Variants in SGCG observed in about 807,000 individuals in gnomAD.
The protein encoded by SGCG is gamma-sarcoglycan.
Under a neutral mutation model 29.3 loss-of-function variants are expected in SGCG, and 26 were observed. That is an observed-to-expected ratio of 0.89 (90% CI 0.65 to 1.23). SGCG has a LOEUF of 1.23. Among genes scored for constraint, SGCG ranks in the 50% most tolerant of loss-of-function variants. The pLI is 0.00. For synonymous variants in SGCG, 145 were observed against 129.7 expected, an observed-to-expected ratio of 1.12 and a Z score of -0.80; for missense variants, 353 against 356.0, an observed-to-expected ratio of 0.99 and a Z score of 0.07.
At chr13:23,312,237 C>T (rs752664408) in intron 6 of SGCG, among the ~76,000 whole-genome samples, 4 of 152,170 alleles carry the variant, frequency 2.6e-5, no homozygotes, top group African/African-American at 4.8e-5. Flanking sequence ...CTTTTAAATA[C>T]AAAGCTGTGG....
chr13:23,315,201 T>G (rs1882761138), intron 6 of SGCG, among the ~76,000 whole-genome samples: 1 of 152,182 alleles, frequency 6.6e-6, no homozygotes, highest in Admixed American at 6.5e-5. Flanking sequence ...ACTCTTGGCC[T>G]GTTACTGGGC....
chr13:23,175,301 TG>T, the SGCG span, among the ~76,000 whole-genome samples: 2,537 of 152,228 alleles, frequency 0.017, 73 homozygotes, highest in African/African-American at 0.057. Flanking sequence ...AGAGGTGTAG[TG>T]GGGAAAAGAA....
the SGCG span, among the ~76,000 whole-genome samples, chr13:23,161,305 A>G: frequency 6.6e-6 from 1 of 152,232 alleles, no homozygotes; most frequent in Non-Finnish European, 1.5e-5. Flanking sequence ...TTGTTCTTAC[A>G]TCATTACCGA....
intron 4 of SGCG, chr13:23,268,564 G>T: frequency 6.6e-6 from 1 of 152,666 alleles, no homozygotes; most frequent in Non-Finnish European, 1.5e-5. Flanking sequence ...GAAAGAGAAT[G>T]TTGTGAACAG....
chr13:23,287,361 G>A (rs1421120512), intron 5 of SGCG, among the ~76,000 whole-genome samples: 1 of 152,024 alleles, frequency 6.6e-6, no homozygotes, highest in Non-Finnish European at 1.5e-5. Context: ...TTGGCTGGCA[G>A]CAGGAAACAA....
At chr13:23,169,530 T>C in the SGCG span, among the ~76,000 whole-genome samples, 1 of 151,718 alleles carries the variant, frequency 6.6e-6, no homozygotes, top group Non-Finnish European at 1.5e-5. Flanking sequence ...AATACAAAAA[T>C]TAGTTGGGCA....
rs1236134792 is a variant in SGCG, at chr13:23,204,176, A to C, written c.195+287A>C. The stretch of plus-strand genomic sequence containing the variant: ...ATAGTCTTTAGTTTGTGGTTGATTG[A>C]GTCAGGATTATTTGCTGATTATTTA... On this transcript the variant is annotated intron_variant, in intron 2 of 7. Transcript: ENST00000218867. 3.3e-5 allele frequency among the ~76,000 whole-genome samples: 5 copies of C among 151,094 alleles called. 1 individual carries two copies. Among genetic ancestry groups the C allele is most frequent in the African/African-American group, 1.2e-4 (5 of 40,464 alleles).
chr13:23,255,253 C>G lies in SGCG; in HGVS notation c.385+4536C>G, dbSNP rs1026636657. ...AAGCCACAGGAGTGGTGCTGGTCAC[C>G]TTGAGGTGCCATCTTATTGCCCCTT... On this transcript the variant is annotated intron_variant, in intron 4 of 7. Coordinates refer to ENST00000218867, the MANE Select transcript of SGCG (RefSeq NM_000231.3). Among the ~76,000 whole-genome samples the G allele has an allele frequency of 2.0e-5, 3 of 152,234 alleles. No individual in the cohort carries two copies. In the South Asian group the frequency reaches 6.2e-4, roughly 32 times the overall value.
upstream of SGCG, among the ~76,000 whole-genome samples, chr13:23,178,634 C>G (rs888664724): frequency 6.6e-6 from 1 of 152,120 alleles, no homozygotes; most frequent in Non-Finnish European, 1.5e-5. Flanking sequence ...CAATTGACAA[C>G]CCAAATCATT....
At chr13:23,290,546 T>A (rs1016081575) in intron 5 of SGCG, among the ~76,000 whole-genome samples, 21 of 152,182 alleles carry the variant, frequency 1.4e-4, no homozygotes, top group Non-Finnish European at 2.9e-4. Context: ...AAGGAGAGCA[T>A]TTTTCATTGG....
rs1323693241 is a variant in SGCG, at chr13:23,287,756, G to GTTTGTTTGTTTGT, written c.506-7652_506-7651insGTTTGTTTTGTTT. Among the ~76,000 whole-genome samples, 520 of 151,882 alleles carry GTTTGTTTGTTTGT rather than the reference G, an allele frequency of 3.4e-3. 6 individuals carry two copies. Among genetic ancestry groups the GTTTGTTTGTTTGT allele is most frequent in the African/African-American group, 8.2e-3 (338 of 41,448 alleles). Reference sequence around the variant, plus strand: ...ACCAGGGTTTTTTGTTTGTTTGTTTGTTTGTTTTGTTTTGTTTTGAGACAG... The same window carrying GTTTGTTTGTTTGT: ...ACCAGGGTTTTTTGTTTGTTTGTTTGTTTGTTTGTTTGTTTTGTTTTGTTTTGTTTTGAGACAG... On this transcript the variant is annotated intron_variant, in intron 5 of 7. Coordinates refer to ENST00000218867, the MANE Select transcript of SGCG (RefSeq NM_000231.3).
At chr13:23,322,441 G>C (rs1883070184) in intron 7 of SGCG, among the ~76,000 whole-genome samples, 1 of 152,116 alleles carries the variant, frequency 6.6e-6, no homozygotes, top group South Asian at 2.1e-4. Context: ...AAAGGGCCTC[G>C]ATCCCCCATA....
At chr13:23,290,360 C>G (rs950724270) in intron 5 of SGCG, among the ~76,000 whole-genome samples, 1 of 151,988 alleles carries the variant, frequency 6.6e-6, no homozygotes, top group Non-Finnish European at 1.5e-5. Flanking sequence ...ACAGTAGAGG[C>G]CAAGTAAAGG....
At chr13:23,256,742 T>C (rs1593201067) in intron 4 of SGCG, among the ~76,000 whole-genome samples, 1 of 152,214 alleles carries the variant, frequency 6.6e-6, no homozygotes, top group Non-Finnish European at 1.5e-5. Context: ...TATTCCATGG[T>C]GTATATGTGC....
chr13:23,265,036 T>C (rs2137592602), intron 4 of SGCG, among the ~76,000 whole-genome samples: 1 of 152,152 alleles, frequency 6.6e-6, no homozygotes, highest in East Asian at 1.9e-4. Flanking sequence ...AAAACCTCAA[T>C]AGTAAATGCA....
At chr13:23,231,875 T>G (rs1879127136) in intron 2 of SGCG, among the ~76,000 whole-genome samples, 1 of 152,022 alleles carries the variant, frequency 6.6e-6, no homozygotes, top group Non-Finnish European at 1.5e-5. Flanking sequence ...TCCCAACATT[T>G]TGGGAAGCTG....
the SGCG span, among the ~76,000 whole-genome samples, chr13:23,165,891 T>A: frequency 6.6e-6 from 1 of 152,156 alleles, no homozygotes; most frequent in South Asian, 2.1e-4. Flanking sequence ...TATATAAACT[T>A]TGTATCTTGC....
rs1883166378 is a variant in SGCG at position 23,324,607 on chromosome 13, T to C, written c.*66T>C. 2 of 1,429,296 alleles carry C rather than the reference T, an allele frequency of 1.4e-6. No homozygotes were observed. Among genetic ancestry groups the C allele is most frequent in the East Asian group, 4.6e-5 (2 of 43,618 alleles). 88.5% of individuals were successfully genotyped at this position (1,429,296 alleles called of 1,614,324 possible). ...CAGATCCTCACACCCAGGGAGCAGC[T>C]GCACATCGTGAAAGACTGAGGCAGC... On this transcript the variant is annotated 3_prime_UTR_variant, in exon 8 of 8. Transcript: ENST00000218867.
intron 6 of SGCG, among the ~76,000 whole-genome samples, chr13:23,296,869 T>C (rs1205875027): frequency 1.3e-5 from 2 of 152,214 alleles, no homozygotes; most frequent in Admixed American, 1.3e-4. Flanking sequence ...TTTACACCTA[T>C]AACTATTCAT....
Sources: gnomAD v4.1 joint callset for allele counts (sites outside exome capture counted in the v4.1 genomes callset) on GRCh38, gnomAD v4.1.1 for gene constraint, MANE v1.5 for transcripts, NCBI Gene and HGNC (gene_info 2026-07-23, HGNC 2026-07-21) for gene names.